Variants in CCDC141 observed in about 807,000 individuals in gnomAD.
CCDC141 encodes coiled-coil domain containing 141, also known as coiled-coil domain-containing protein 141.
A neutral mutation model predicts 181.0 loss-of-function variants in CCDC141; 168 were observed. The observed-to-expected ratio is 0.93, with a 90% CI of 0.82 to 1.05. CCDC141 has a LOEUF of 1.05. Ranked by LOEUF, CCDC141 falls within the 50% of genes least tolerant of loss-of-function variation. The pLI, the probability that CCDC141 is intolerant of heterozygous loss-of-function variation, is 0.00. For missense variants in CCDC141, 1,902 were observed against 1,788.5 expected (o/e 1.06, Z -1.14); for synonymous variants, 666 against 642.3 (o/e 1.04, Z -0.56).
intron 6 of CCDC141, among the ~76,000 whole-genome samples, chr2:178,942,531 G>A (rs1689564979): frequency 6.6e-6 from 1 of 152,150 alleles, no homozygotes; most frequent in South Asian, 2.1e-4. Flanking sequence ...GCGCAGAGGA[G>A]TTTTAGGGCA....
Position 178,833,613 on chromosome 2 carries a change from T to A in CCDC141, c.*560A>T, listed in dbSNP as rs900119507. ...AAACCCGTGAGAGCAACATGAGGAA[T>A]GATTATTTACAATGACATCATCAGA... On this transcript the variant is annotated 3_prime_UTR_variant, in exon 24 of 24. Coordinates refer to ENST00000443758, the MANE Select transcript of CCDC141 (RefSeq NM_173648.4). 13 of 153,268 alleles carry A rather than the reference T, an allele frequency of 8.5e-5. No homozygotes were observed. Among genetic ancestry groups the A allele is most frequent in the African/African-American group, 3.1e-4 (13 of 41,568 alleles). 9.5% of individuals were successfully genotyped at this position (153,268 alleles called of 1,614,324 possible).
At chr2:178,941,999 A>T (rs1689542531) in intron 6 of CCDC141, among the ~76,000 whole-genome samples, 1 of 141,246 alleles carries the variant, frequency 7.1e-6, no homozygotes, top group African/African-American at 2.7e-5. Flanking sequence ...AAAAAAAAAA[A>T]AAGGGAAAAG....
intron 6 of CCDC141, among the ~76,000 whole-genome samples, chr2:178,922,000 G>C (rs1185945755): frequency 6.6e-6 from 1 of 152,142 alleles, no homozygotes; most frequent in Non-Finnish European, 1.5e-5. Context: ...TGTGCGATTA[G>C]GGGAGACTAC....
rs1185701130 is a variant in CCDC141, at chr2:178,978,467, TTTTTTAAAGTA to T, written c.417+6_417+16del. The T allele has an allele frequency of 7.1e-7, 1 of 1,399,274 alleles. No homozygotes were observed. Among genetic ancestry groups the T allele is most frequent in the African/African-American group, 1.5e-5 (1 of 67,146 alleles). The allele number at this position is 1,399,274 out of a possible 1,614,324, so 86.7% of individuals were successfully genotyped here. A position where few individuals can be genotyped will look rare whatever the true frequency, so the allele number is the denominator to read the frequency against. Reference sequence around the variant, plus strand: ...TGCTCTGATGTGGGGAAGGGAGAAGTTTTTTAAAGTACAAACCTCTAAGGCATTTTCAAAAA... The same window carrying T: ...TGCTCTGATGTGGGGAAGGGAGAAGTCAAACCTCTAAGGCATTTTCAAAAA... On this transcript the variant is annotated splice_donor_region_variant and intron_variant, in intron 3 of 23. Transcript: ENST00000443758.
At chr2:178,911,437 C>T (rs1011861462) in intron 7 of CCDC141, among the ~76,000 whole-genome samples, 2 of 152,178 alleles carry the variant, frequency 1.3e-5, no homozygotes, top group Admixed American at 6.6e-5. Context: ...CAGATTCATA[C>T]TCAGGCATTC....
chr2:178,994,845 G>T (rs1441995579), intron 2 of CCDC141, among the ~76,000 whole-genome samples: 2 of 152,164 alleles, frequency 1.3e-5, no homozygotes, highest in Admixed American at 1.3e-4. Flanking sequence ...AAATCTATAG[G>T]GCAGGGGCAA....
intron 16 of CCDC141, among the ~76,000 whole-genome samples, chr2:178,866,746 G>A (rs909859772): frequency 1.2e-4 from 18 of 151,964 alleles, no homozygotes; most frequent in Non-Finnish European, 1.8e-4. Flanking sequence ...TTTTGAGATG[G>A]AGTCTTATTT....
chr2:179,038,313 G>C (rs1005373996), intron 2 of CCDC141, among the ~76,000 whole-genome samples: 4 of 152,150 alleles, frequency 2.6e-5, no homozygotes, highest in Admixed American at 2.0e-4. Flanking sequence ...ACCTAGAATA[G>C]ACAAATTCAT....
In CCDC141 at chr2:178,926,944, G is replaced by GA. The variant is rs1183375678; in HGVS notation, c.898-8038dup. Among the ~76,000 whole-genome samples the GA allele has an allele frequency of 4.6e-5, 7 of 152,202 alleles. No individual in the cohort carries two copies. The East Asian group carries it at 1.3e-3, about 29-fold the overall frequency. Reference sequence around the variant, plus strand: ...GTGTCACTTTAAAGAAAAAAGCTAAGAAAAGGTAAAAAATATGATCAGGTT... The same window carrying GA: ...GTGTCACTTTAAAGAAAAAAGCTAAGAAAAAGGTAAAAAATATGATCAGGTT... On this transcript the variant is annotated intron_variant, in intron 6 of 23. Transcript: ENST00000443758.
Position 178,872,116 on chromosome 2 carries a change from A to G in CCDC141, c.2079+17T>C, listed in dbSNP as rs747424577. The G allele has an allele frequency of 2.5e-6, 4 of 1,610,790 alleles. No homozygotes were observed. Among genetic ancestry groups the G allele is most frequent in the East Asian group, 2.2e-5 (1 of 44,762 alleles). On this transcript the variant is annotated intron_variant, in intron 13 of 23. Coordinates refer to ENST00000443758, the MANE Select transcript of CCDC141 (RefSeq NM_173648.4). ...GGAATTTCATTCCTTTTCACATCCCATTGTTCCTTGCCTCACCTTTTTAAG... is the reference window on the plus strand; with the variant it reads ...GGAATTTCATTCCTTTTCACATCCCGTTGTTCCTTGCCTCACCTTTTTAAG...
chr2:178,957,552 C>A (rs1480742806), intron 5 of CCDC141, among the ~76,000 whole-genome samples: 1 of 152,192 alleles, frequency 6.6e-6, no homozygotes, highest in Non-Finnish European at 1.5e-5. Flanking sequence ...TATGATCCAG[C>A]AATTGTGTTC....
chr2:179,022,128 T>C (rs1342915057), intron 2 of CCDC141, among the ~76,000 whole-genome samples: 1 of 152,134 alleles, frequency 6.6e-6, no homozygotes, highest in Non-Finnish European at 1.5e-5. Context: ...TAATTAATAG[T>C]AGTTTCTGCT....
At chr2:178,877,731 A>T (rs1306726679) in intron 12 of CCDC141, 1 of 561,752 alleles carries the variant, frequency 1.8e-6, no homozygotes, top group Non-Finnish European at 3.1e-6. Flanking sequence ...TTTGGATTAC[A>T]GTCACTTTCT....
intron 19 of CCDC141, among the ~76,000 whole-genome samples, chr2:178,853,835 T>C (rs1052699808): frequency 2.6e-5 from 4 of 152,144 alleles, no homozygotes; most frequent in Admixed American, 2.0e-4. Flanking sequence ...AATGTGAAAA[T>C]ATGTATAAAT....
In CCDC141 at chr2:178,837,235, A is replaced by G; in HGVS notation, c.3984T>C (p.His1328=). The G allele has an allele frequency of 4.3e-6, 7 of 1,614,004 alleles. No homozygotes were observed. The highest frequency in any genetic ancestry group is 5.9e-6 in the Non-Finnish European group (7 of 1,179,978). The change falls in exon 23 of 24, where the codon CAT becomes CAC. Residue 1328 remains histidine, a synonymous_variant. Transcript: ENST00000443758. ...GAGGGTGCTGCTGTAAAGCTCTCTC[A>G]TGCACTTCACTCATCATGCTCTCTG... ...EHPESMMSEV[H]ERALQQHPQA...
intron 2 of CCDC141, among the ~76,000 whole-genome samples, chr2:179,007,308 G>A (rs1409780268): frequency 6.6e-6 from 1 of 152,010 alleles, no homozygotes; most frequent in Non-Finnish European, 1.5e-5. Context: ...CTTCTAACTT[G>A]GTCTCCTACT....
intron 11 of CCDC141, among the ~76,000 whole-genome samples, chr2:178,883,035 G>A (rs1472186006): frequency 6.6e-6 from 1 of 152,160 alleles, no homozygotes; most frequent in Non-Finnish European, 1.5e-5. Flanking sequence ...AAAGCAGGAA[G>A]CTAAAATGTT....
chr2:178,898,817 G>GA (rs1452999324), intron 8 of CCDC141, among the ~76,000 whole-genome samples: 2 of 151,528 alleles, frequency 1.3e-5, no homozygotes, highest in African/African-American at 2.4e-5. Flanking sequence ...TTGACTAACA[G>GA]AAAAAAAATC....
chr2:179,001,141 T>C (rs1451062580), intron 2 of CCDC141, among the ~76,000 whole-genome samples: 10 of 152,180 alleles, frequency 6.6e-5, no homozygotes, highest in Non-Finnish European at 1.5e-5. Flanking sequence ...AACACTGCCA[T>C]TCCTTTAGCA....
Sources: gnomAD v4.1 joint callset for allele counts (sites outside exome capture counted in the v4.1 genomes callset) on GRCh38, gnomAD v4.1.1 for gene constraint, MANE v1.5 for transcripts, NCBI Gene and HGNC (gene_info 2026-07-23, HGNC 2026-07-21) for gene names.